Variants in BRINP3 observed in about 807,000 individuals in gnomAD.
BRINP3 encodes the protein BMP/retinoic acid inducible neural specific 3.
In BRINP3, 19 loss-of-function variants were observed where a neutral mutation model predicts 71.0. That is an observed-to-expected ratio of 0.27 (90% confidence interval 0.19 to 0.39). The LOEUF (loss-of-function observed/expected upper bound fraction) is 0.39, where lower values mean the gene tolerates loss of function less well. Ranked by LOEUF, BRINP3 falls within the 10% of genes least tolerant of loss-of-function variation. The probability of loss-of-function intolerance (pLI) is 1.00; values close to 1 mark genes in which losing one functional copy is unlikely to be tolerated. For synonymous variants in BRINP3, 380 were observed against 337.7 expected, an observed-to-expected ratio of 1.13 and a Z score of -1.37; for missense variants, 959 against 940.8, an observed-to-expected ratio of 1.02 and a Z score of -0.25.
intron 6 of BRINP3, among the ~76,000 whole-genome samples, chr1:190,197,884 C>A (rs1654633214): frequency 6.6e-6 from 1 of 152,110 alleles, no homozygotes; most frequent in Admixed American, 6.5e-5. Flanking sequence ...TGTGTGGGAG[C>A]TCCCACCCCA....
intron 6 of BRINP3, among the ~76,000 whole-genome samples, chr1:190,186,458 A>G (rs1308392084): frequency 1.3e-5 from 2 of 152,176 alleles, no homozygotes; most frequent in African/African-American, 4.8e-5. Context: ...CAGGAAATAA[A>G]ATATATTGTG....
chr1:190,253,472 T>C lies in BRINP3; in HGVS notation c.618+11393A>G, dbSNP rs146126854. ...ACTTTTTAATGATTGCCATTATAAC[T>C]GGTATGAAATGGTATCTCAATGTGG... On this transcript the variant is annotated intron_variant, in intron 4 of 7. Transcript: ENST00000367462. Among the ~76,000 whole-genome samples the C allele has an allele frequency of 4.6e-5, 7 of 152,336 alleles. No individual in the cohort carries two copies. The East Asian group carries it at 1.3e-3, about 29-fold the overall frequency.
intron 1 of BRINP3, among the ~76,000 whole-genome samples, chr1:190,459,560 A>G (rs1292137452): frequency 4.6e-5 from 7 of 152,044 alleles, no homozygotes; most frequent in Admixed American, 4.6e-4. Flanking sequence ...GTGGTGGGTC[A>G]TGTCATAGTG....
At chr1:190,204,683 T>C (rs1442001357) in intron 6 of BRINP3, among the ~76,000 whole-genome samples, 2 of 152,072 alleles carry the variant, frequency 1.3e-5, no homozygotes, top group African/African-American at 2.4e-5. Flanking sequence ...GGTCAGACTA[T>C]AGAATCTCTA....
At chr1:190,180,439 T>C (rs1571924776) in intron 6 of BRINP3, among the ~76,000 whole-genome samples, 1 of 152,170 alleles carries the variant, frequency 6.6e-6, no homozygotes, top group East Asian at 1.9e-4. Context: ...TGAAAAGAAG[T>C]TTTAGTATCC....
Position 190,150,266 on chromosome 1 carries a change from A to G in BRINP3, c.1184+10402T>C, listed in dbSNP as rs74128856. ...TGAGTTGGTATATATGTGCATATCT[A>G]TGTGTGTGTGTGTGTGTGTGTGTAC... On this transcript the variant is annotated intron_variant, in intron 7 of 7. Coordinates refer to ENST00000367462, the MANE Select transcript of BRINP3 (RefSeq NM_199051.3). Among the ~76,000 whole-genome samples the G allele has an allele frequency of 1.9e-3, 248 of 128,190 alleles. 2 individuals carry two copies. The highest frequency in any genetic ancestry group is 0.013 in the South Asian group (44 of 3,428). 84.1% of individuals were successfully genotyped at this position (128,190 alleles called of 152,430 possible).
At chr1:190,475,555 T>G (rs1571415447) in intron 1 of BRINP3, among the ~76,000 whole-genome samples, 1 of 152,126 alleles carries the variant, frequency 6.6e-6, no homozygotes, top group South Asian at 2.1e-4. Context: ...TATTCCCACA[T>G]CAACACCAAG....
At chr1:190,359,950 C>T (rs1669024422) in intron 2 of BRINP3, among the ~76,000 whole-genome samples, 1 of 152,046 alleles carries the variant, frequency 6.6e-6, no homozygotes. Context: ...GGGTGACATA[C>T]AAGCTTATTT....
At chr1:190,437,529 C>T (rs974436995) in intron 2 of BRINP3, among the ~76,000 whole-genome samples, 7 of 151,726 alleles carry the variant, frequency 4.6e-5, no homozygotes, top group Admixed American at 1.3e-4. Context: ...AAACATAAAA[C>T]TTCAATTAAT....
intron 2 of BRINP3, among the ~76,000 whole-genome samples, chr1:190,411,112 A>C (rs1360144655): frequency 2.6e-5 from 4 of 152,152 alleles, no homozygotes; most frequent in African/African-American, 9.7e-5. Flanking sequence ...AGATACACAA[A>C]TCAGAAACAC....
Position 190,300,370 on chromosome 1 carries a change from G to A in BRINP3, c.237-18620C>T, listed in dbSNP as rs572857314. The stretch of plus-strand genomic sequence containing the variant: ...CTCCTGAGGCTTCTGCATTCTTCAC[G>A]TAGTTCTCAAGACTTGGTTTTCAGC... On this transcript the variant is annotated intron_variant, in intron 2 of 7. Coordinates refer to ENST00000367462, the MANE Select transcript of BRINP3 (RefSeq NM_199051.3). Among the ~76,000 whole-genome samples, 28 of 151,960 alleles carry A rather than the reference G, an allele frequency of 1.8e-4. No homozygotes were observed. In the East Asian group the frequency reaches 3.3e-3, roughly 18 times the overall value.
chr1:190,358,185 C>A (rs1668870262), intron 2 of BRINP3, among the ~76,000 whole-genome samples: 1 of 152,164 alleles, frequency 6.6e-6, no homozygotes, highest in Admixed American at 6.6e-5. Flanking sequence ...TAAAGAACTT[C>A]TGCACAGCAA....
At chr1:190,342,502 T>C (rs904052335) in intron 2 of BRINP3, 3 of 151,538 alleles carry the variant, frequency 2.0e-5, no homozygotes, top group Admixed American at 6.6e-5. Context: ...TATTGAAACA[T>C]GTCTCTCTGG....
chr1:190,477,354 C>CA (rs1558321781), intron 1 of BRINP3, 94 bp downstream of exon 1: 2 of 151,710 alleles, frequency 1.3e-5, no homozygotes, highest in African/African-American at 2.4e-5. Context: ...CTGAAAGTAA[C>CA]AAAAATGTGA....
At chr1:190,314,832 G>A (rs1210323544) in intron 2 of BRINP3, among the ~76,000 whole-genome samples, 1 of 152,110 alleles carries the variant, frequency 6.6e-6, no homozygotes, top group Admixed American at 6.6e-5. Flanking sequence ...ATATAATATG[G>A]AGACTCTTGT....
At chr1:190,234,266 A>T (rs1394862079) in intron 5 of BRINP3, 106 bp downstream of exon 5, 1 of 588,282 alleles carries the variant, frequency 1.7e-6, no homozygotes, top group African/African-American at 1.9e-5. Context: ...AGAGTTTTTA[A>T]TAGCCTGTAT....
At chr1:190,099,572 T>G (rs1415099374) in intron 7 of BRINP3, among the ~76,000 whole-genome samples, 1 of 152,192 alleles carries the variant, frequency 6.6e-6, no homozygotes, top group African/African-American at 2.4e-5. Context: ...TACATGGTGA[T>G]TGTTCATTCA....
intron 4 of BRINP3, among the ~76,000 whole-genome samples, chr1:190,258,766 A>G (rs986925408): frequency 2.0e-5 from 3 of 152,186 alleles, no homozygotes; most frequent in Admixed American, 6.5e-5. Flanking sequence ...GTCATTGCTC[A>G]GGTTTAGAAG....
At chr1:190,448,461 GTTT>G (rs766708417) in intron 2 of BRINP3, among the ~76,000 whole-genome samples, 18,439 of 97,626 alleles carry the variant, frequency 0.19, 1,227 homozygotes, top group Non-Finnish European at 0.2. Context: ...TACACTTGGG[GTTT>G]GTGTGTGTGT....
Sources: allele counts gnomAD v4.1 joint callset (sites outside exome capture counted in the v4.1 genomes callset), GRCh38; gene constraint gnomAD v4.1.1; transcripts MANE v1.5; gene names NCBI Gene and HGNC (gene_info 2026-07-23, HGNC 2026-07-21).